Variants in STPG1 observed in about 807,000 individuals in gnomAD.
STPG1 encodes O(6)-methylguanine-induced apoptosis 2.
STPG1 carries 33 observed loss-of-function variants against 40.1 expected under a neutral mutation model. The observed-to-expected ratio is 0.82, with a 90% CI of 0.62 to 1.10. The LOEUF is 1.10. STPG1 is among the 50% of genes least tolerant of loss of function. STPG1 has a pLI of 0.00. For synonymous variants in STPG1, 150 were observed against 155.0 expected (o/e 0.97, Z 0.24); for missense variants, 396 against 415.1 (o/e 0.95, Z 0.40).
Position 24,383,937 on chromosome 1 carries a change from A to G in STPG1, c.256T>C (p.Leu86=). ...HQSPVSNSVS[L]SKKGTCMFPS... is the part of the protein sequence containing the mutation. ...AACATGCAAGTTCCTTTCTTGGACA[A>G]TGAGACACTGTTGGACACCGGTGAC... Residue 86 remains leucine (L), a synonymous_variant, in exon 4 of 9, where the codon TTG becomes CTG. Transcript: ENST00000337248. 3.1e-6 allele frequency: 5 copies of G among 1,614,034 alleles called. No homozygotes were observed. Among genetic ancestry groups the G allele is most frequent in the Non-Finnish European group, 4.2e-6 (5 of 1,179,830 alleles).
At chr1:24,364,185 G>A in intron 7 of STPG1, 1 of 1,490,324 alleles carries the variant, frequency 6.7e-7, no homozygotes, top group Non-Finnish European at 8.9e-7. Flanking sequence ...TTTCTTCCAG[G>A]GAAACTTCTC....
chr1:24,369,673 C>G lies in STPG1; in HGVS notation c.737+1G>C. The G allele has an allele frequency of 6.3e-7, 1 of 1,587,770 alleles. No individual in the cohort carries two copies. Among genetic ancestry groups the G allele is most frequent in the African/African-American group, 1.4e-5 (1 of 73,894 alleles). ...GAAAGACCAGAATGATTGGGACTCA[C>G]GGGAAAAGAGTCTTTTTTGGAACTT... On this transcript the variant is annotated splice_donor_variant, in intron 7 of 8. Coordinates refer to ENST00000337248, the MANE Select transcript of STPG1 (RefSeq NM_001199013.2). LOFTEE classifies it high-confidence loss of function.
chr1:24,408,944 T>C (rs1643512016), intron 1 of STPG1, among the ~76,000 whole-genome samples: 1 of 152,216 alleles, frequency 6.6e-6, no homozygotes, highest in Non-Finnish European at 1.5e-5. Context: ...ATACTAAAAA[T>C]TTGATATTTA....
intron 2 of STPG1, among the ~76,000 whole-genome samples, chr1:24,394,633 TATA>T (rs1312165622): frequency 6.6e-6 from 1 of 152,108 alleles, no homozygotes; most frequent in Non-Finnish European, 1.5e-5. Flanking sequence ...ATATGGAAGA[TATA>T]ATGACAAGAT....
In STPG1 at chr1:24,401,350, T is replaced by C; in HGVS notation, c.39A>G (p.Lys13=). The C allele has an allele frequency of 6.2e-7, 1 of 1,614,136 alleles. No homozygotes were observed. The highest frequency in any genetic ancestry group is 8.5e-7 in the Non-Finnish European group (1 of 1,179,990). ...NSAQKNERTG[K]HPRRASEVQK... Reference sequence around the variant, plus strand: ...GTACTTCACTGGCACGTCTGGGATGTTTGCCAGTGCGTTCATTTTTCTGTG... The same window carrying C: ...GTACTTCACTGGCACGTCTGGGATGCTTGCCAGTGCGTTCATTTTTCTGTG... The change falls in exon 2 of 9, where the codon AAA becomes AAG. Residue 13 remains lysine (K), a synonymous_variant. Transcript: ENST00000337248.
Position 24,357,105 on chromosome 1 carries a change from A to T in STPG1, c.*1438T>A. 7.2e-6 allele frequency: 1 copy of T among 138,990 alleles called. No individual in the cohort carries two copies. Among genetic ancestry groups the T allele is most frequent in the East Asian group, 2.6e-4 (1 of 3,898 alleles). 8.6% of individuals were successfully genotyped at this position (138,990 alleles called of 1,614,324 possible). ...AAAACATCACAGTTTTAAAGACAGG[A>T]TTCGTATTACTGATGTTTCCTTTTG... On this transcript the variant is annotated 3_prime_UTR_variant, in exon 9 of 9. Transcript: ENST00000337248.
At chr1:24,364,932 G>T (rs955778854) in intron 7 of STPG1, among the ~76,000 whole-genome samples, 1 of 152,202 alleles carries the variant, frequency 6.6e-6, no homozygotes, top group Non-Finnish European at 1.5e-5. Flanking sequence ...AGAGGACTCA[G>T]CAGGCCACTT....
intron 1 of STPG1, among the ~76,000 whole-genome samples, chr1:24,402,769 A>G (rs1437699250): frequency 6.6e-6 from 1 of 151,730 alleles, no homozygotes; most frequent in African/African-American, 2.4e-5. Context: ...AAAAAAAAAC[A>G]AAAAAACAAA....
At chr1:24,407,999 A>G (rs1643478553) in intron 1 of STPG1, among the ~76,000 whole-genome samples, 1 of 152,176 alleles carries the variant, frequency 6.6e-6, no homozygotes, top group Non-Finnish European at 1.5e-5. Flanking sequence ...CCTCTCAGAT[A>G]TGGGTCATAT....
chr1:24,390,314 C>G (rs929522525), intron 3 of STPG1, among the ~76,000 whole-genome samples: 2 of 152,246 alleles, frequency 1.3e-5, no homozygotes, highest in African/African-American at 2.4e-5. Context: ...AAGGACCGGT[C>G]AGGAACCACG....
intron 1 of STPG1, among the ~76,000 whole-genome samples, chr1:24,402,862 T>A (rs948897134): frequency 3.3e-5 from 5 of 152,212 alleles, no homozygotes; most frequent in African/African-American, 1.2e-4. Flanking sequence ...TACAAGCCTT[T>A]TATCATATAT....
intron 4 of STPG1, among the ~76,000 whole-genome samples, chr1:24,381,307 T>C (rs1442766585): frequency 6.6e-6 from 1 of 152,226 alleles, no homozygotes. Context: ...AAAGTCCCAG[T>C]AGAGGCAATG....
intron 5 of STPG1, among the ~76,000 whole-genome samples, chr1:24,378,419 A>G (rs144862221): frequency 0.027 from 4,161 of 152,216 alleles, 212 homozygotes; most frequent in African/African-American, 0.095. Context: ...GTGGATCACG[A>G]GATCAGGAGA....
intron 8 of STPG1, among the ~76,000 whole-genome samples, chr1:24,360,265 C>T (rs994375722): frequency 3.9e-5 from 6 of 152,100 alleles, no homozygotes; most frequent in African/African-American, 1.2e-4. Context: ...GCCAACATAG[C>T]GAACCCCTGT....
chr1:24,364,543 T>C (rs1438012190), intron 7 of STPG1: 5 of 1,195,796 alleles, frequency 4.2e-6, no homozygotes, highest in Non-Finnish European at 3.3e-6. Flanking sequence ...TGTGTCTTCC[T>C]CAGCTTTGAG....
At position 24,373,773 on chromosome 1, in the gene STPG1, C is replaced by T. The variant is rs1222874108; in HGVS notation, c.500G>A (p.Cys167Tyr). 1.2e-6 allele frequency: 2 copies of T among 1,611,784 alleles called. No homozygotes were observed. Among genetic ancestry groups the T allele is most frequent in the South Asian group, 1.1e-5 (1 of 91,020 alleles). The stretch of plus-strand genomic sequence containing the variant: ...TTTTGACATAAACCCGGCTCGAGTA[C>T]AGACGTTGTTTCTCTGCTTGCAGCA... ...VSCCKQRNNV[C>Y]TRAGFMSKTQ... The change falls in exon 6 of 9, where the codon TGT becomes TAT. Residue 167 changes from cysteine (C) to tyrosine (Y), a missense_variant. Cys to Tyr is a radical substitution (Grantham distance 194). Transcript: ENST00000337248.
intron 4 of STPG1, among the ~76,000 whole-genome samples, chr1:24,381,879 T>C (rs1642299848): frequency 6.6e-6 from 1 of 152,186 alleles, no homozygotes; most frequent in African/African-American, 2.4e-5. Context: ...GAAATTCTCA[T>C]CCAGTTCACA....
intron 3 of STPG1, among the ~76,000 whole-genome samples, chr1:24,386,152 T>C (rs142353905): frequency 9.8e-5 from 15 of 152,356 alleles, no homozygotes; most frequent in Non-Finnish European, 2.1e-4. Context: ...ATGATTTTAG[T>C]ATATCCCATG....
intron 1 of STPG1, among the ~76,000 whole-genome samples, chr1:24,404,492 C>T (rs866758839): frequency 2.6e-5 from 4 of 152,100 alleles, no homozygotes; most frequent in African/African-American, 4.8e-5. Context: ...GCACAGTTTG[C>T]GTAAAATTGG....
Sources: gnomAD v4.1 joint callset for allele counts (sites outside exome capture counted in the v4.1 genomes callset) on GRCh38, gnomAD v4.1.1 for gene constraint, MANE v1.5 for transcripts, NCBI Gene and HGNC (gene_info 2026-07-23, HGNC 2026-07-21) for gene names.